ZFX: variants seen among roughly 807,000 people sequenced by gnomAD.
ZFX encodes the protein zinc finger protein X-linked, also known as zinc finger X-chromosomal protein.
For synonymous variants in ZFX, 196 were observed against 226.8 expected, an observed-to-expected ratio of 0.86 and a Z score of 1.22; for missense variants, 362 against 628.3, an observed-to-expected ratio of 0.58 and a Z score of 4.53.
chrX:24,182,230 G>A (rs1049990920), intron 5 of ZFX, among the ~76,000 whole-genome samples: 4 of 111,038 alleles, frequency 3.6e-5, no homozygotes, highest in African/African-American at 1.3e-4. Context: ...TTTCTTCTAG[G>A]CAGTTGAAAA....
intron 4 of ZFX, among the ~76,000 whole-genome samples, chrX:24,176,768 C>G (rs937999268): frequency 9.1e-6 from 1 of 110,142 alleles, no homozygotes; most frequent in African/African-American, 3.3e-5. Context: ...CTGTGTATTT[C>G]TCTGAGGGCC....
intron 5 of ZFX, among the ~76,000 whole-genome samples, chrX:24,205,052 A>G (rs1330406770): frequency 8.9e-6 from 1 of 112,490 alleles, no homozygotes; most frequent in Non-Finnish European, 1.9e-5. Context: ...GAATAAAACA[A>G]TGTCCATCCA....
At chrX:24,181,478 C>A (rs1935681668) in intron 5 of ZFX, among the ~76,000 whole-genome samples, 1 of 111,022 alleles carries the variant, frequency 9.0e-6, no homozygotes, top group Non-Finnish European at 1.9e-5. Flanking sequence ...ATGAAGGGCA[C>A]GGGTGGCAGG....
At chrX:24,175,645 C>G (rs1035277442) in intron 4 of ZFX, among the ~76,000 whole-genome samples, 8 of 111,111 alleles carry the variant, frequency 7.2e-5, no homozygotes, top group African/African-American at 2.6e-4. Flanking sequence ...TGGCCATGAT[C>G]TCTGCTCACT....
chrX:24,198,300 T>C (rs1937053899), intron 5 of ZFX, among the ~76,000 whole-genome samples: 1 of 111,353 alleles, frequency 9.0e-6, no homozygotes, highest in African/African-American at 3.3e-5. Context: ...CCTCCTGGGC[T>C]GAAGTGATCC....
chrX:24,153,071 TAAATGCTTACTCTCATTGC>T (rs1316434487), intron 3 of ZFX, among the ~76,000 whole-genome samples: 1 of 112,449 alleles, frequency 8.9e-6, no homozygotes, highest in Non-Finnish European at 1.9e-5. Flanking sequence ...TTGCTTTTTG[TAAATGCTTACTCTCATTGC>T]AAATGCTTAC....
chrX:24,160,246 T>A (rs1933129818), intron 3 of ZFX, among the ~76,000 whole-genome samples: 1 of 73,496 alleles, frequency 1.4e-5, no homozygotes, highest in South Asian at 6.3e-4. Context: ...TACTAAAAAC[T>A]ATAAAATTTT....
intron 3 of ZFX, among the ~76,000 whole-genome samples, chrX:24,168,491 A>G (rs1398949853): frequency 2.8e-5 from 3 of 108,596 alleles, no homozygotes; most frequent in South Asian, 7.4e-4. Context: ...CTAATTTAAG[A>G]TAGATAAAAT....
chrX:24,181,174 C>T (rs62587209), intron 5 of ZFX, among the ~76,000 whole-genome samples: 3 of 112,396 alleles, frequency 2.7e-5, no homozygotes, highest in African/African-American at 9.7e-5. Context: ...TTTGAAACTC[C>T]TTTGAAAACT....
chrX:24,198,731 G>T (rs1316470388), intron 5 of ZFX, among the ~76,000 whole-genome samples: 2 of 110,831 alleles, frequency 1.8e-5, no homozygotes, highest in Non-Finnish European at 3.8e-5. Flanking sequence ...AAGGTGATAC[G>T]TACTTAGGGA....
At chrX:24,159,291 A>G (rs1465059488) in intron 3 of ZFX, among the ~76,000 whole-genome samples, 2 of 112,442 alleles carry the variant, frequency 1.8e-5, no homozygotes, top group Non-Finnish European at 3.8e-5. Context: ...CGTGGGTCCT[A>G]CATTTTCTAT....
At chrX:24,174,242 A>G (rs2147555314) in intron 4 of ZFX, among the ~76,000 whole-genome samples, 1 of 110,797 alleles carries the variant, frequency 9.0e-6, no homozygotes, top group Non-Finnish European at 1.9e-5. Context: ...AATAAAAAAT[A>G]AAAGGGTTTT....
chrX:24,195,227 T>C (rs1936824873), intron 5 of ZFX, among the ~76,000 whole-genome samples: 1 of 110,399 alleles, frequency 9.1e-6, no homozygotes, highest in Non-Finnish European at 1.9e-5. Flanking sequence ...CGGTGTCTCG[T>C]TCTGCACCCA....
intron 3 of ZFX, among the ~76,000 whole-genome samples, chrX:24,171,299 C>T (rs949091488): frequency 9.0e-6 from 1 of 110,708 alleles, no homozygotes; most frequent in Non-Finnish European, 1.9e-5. Flanking sequence ...GTAGAAGGAT[C>T]CCTGAATCAA....
intron 3 of ZFX, among the ~76,000 whole-genome samples, chrX:24,168,976 C>T (rs962779459): frequency 1.8e-5 from 2 of 111,055 alleles, no homozygotes; most frequent in South Asian, 7.6e-4. Context: ...CCGCCAGTTA[C>T]ATTATCACGT....
intron 5 of ZFX, among the ~76,000 whole-genome samples, chrX:24,183,069 T>C (rs1438107494): frequency 1.8e-5 from 2 of 112,244 alleles, no homozygotes; most frequent in African/African-American, 6.5e-5. Flanking sequence ...TGAAGGATAA[T>C]GGCAAAGGGT....
intron 3 of ZFX, among the ~76,000 whole-genome samples, chrX:24,172,108 C>G (rs761092563): frequency 6.9e-4 from 77 of 111,837 alleles, no homozygotes; most frequent in African/African-American, 2.4e-3. Context: ...ATTTACTTCT[C>G]TAGATGAGAG....
At chrX:24,205,528 T>A (rs1937537975) in intron 5 of ZFX, among the ~76,000 whole-genome samples, 1 of 112,479 alleles carries the variant, frequency 8.9e-6, no homozygotes, top group Non-Finnish European at 1.9e-5. Context: ...AACAGGACAC[T>A]TATTTTCTTG....
At chrX:24,195,712 G>C (rs1049434296) in intron 5 of ZFX, among the ~76,000 whole-genome samples, 3 of 110,942 alleles carry the variant, frequency 2.7e-5, no homozygotes, top group Non-Finnish European at 5.7e-5. Context: ...TGCCATGTTG[G>C]CCAGGCTGGT....
Sources: allele counts gnomAD v4.1 joint callset (sites outside exome capture counted in the v4.1 genomes callset), GRCh38; gene constraint gnomAD v4.1.1; transcripts MANE v1.5; gene names NCBI Gene and HGNC (gene_info 2026-07-23, HGNC 2026-07-21).